The following COPG1 variants were observed in gnomAD, a reference collection of about 807,000 sequenced individuals.
COPG1 encodes the protein coat protein complex I subunit gamma 1, also known as coatomer subunit gamma-1.
A neutral mutation model predicts 102.8 loss-of-function variants in COPG1; 29 were observed. That is an observed-to-expected ratio of 0.28 (90% CI 0.21 to 0.38). The LOEUF (loss-of-function observed/expected upper bound fraction) is 0.38, where lower values mean the gene tolerates loss of function less well. COPG1 is among the 10% of genes least tolerant of loss of function. The pLI is 1.00. For synonymous variants in COPG1, 406 were observed against 421.6 expected, an observed-to-expected ratio of 0.96 and a Z score of 0.45; for missense variants, 875 against 1,132.7, an observed-to-expected ratio of 0.77 and a Z score of 3.27.
chr3:129,253,062 C>A, intron 5 of COPG1, 107 bp downstream of exon 5: 1 of 913,096 alleles, frequency 1.1e-6, no homozygotes, highest in African/African-American at 1.6e-5. Flanking sequence ...GCCAGCTGCC[C>A]ACCCCGTGGC....
chr3:129,268,824 C>G, intron 17 of COPG1, 108 bp from the exon 18 acceptor site: 1 of 1,191,270 alleles, frequency 8.4e-7, no homozygotes, highest in Non-Finnish European at 1.2e-6. Flanking sequence ...GCTTCCCACT[C>G]TCAGGAGGGT....
intron 13 of COPG1, 55 bp from the exon 14 acceptor site, chr3:129,265,494 T>TC (rs1208955960): frequency 6.3e-7 from 1 of 1,594,054 alleles, no homozygotes; most frequent in Admixed American, 1.7e-5. Flanking sequence ...GCTCAGGTCT[T>TC]CAACTCTTTT....
Position 129,268,543 on chromosome 3 carries a change from C to T in COPG1, c.1697C>T (p.Thr566Ile). 6.2e-7 allele frequency: 1 copy of T among 1,614,218 alleles called. No homozygotes were observed. The highest frequency in any genetic ancestry group is 8.5e-7 in the Non-Finnish European group (1 of 1,180,030). Residue 566 changes from threonine to isoleucine, a missense_variant, in exon 17 of 24, where the codon ACT (threonine) becomes ATT (isoleucine). Coordinates refer to ENST00000314797, the MANE Select transcript of COPG1 (RefSeq NM_016128.4). ...PGLERALQQY[T>I]LEPSEKPFDL... ...CTGGAGAGGGCTCTGCAGCAGTACA[C>T]TCTAGAACCATCAGAAAAACCTTTT...
In COPG1 at chr3:129,274,844, G is replaced by C; in HGVS notation, c.2263G>C (p.Asp755His). Residue 755 changes from aspartate to histidine, a missense_variant, in exon 22 of 24, where the codon GAT becomes CAT. Asp to His is a moderately conservative substitution (Grantham distance 81, BLOSUM62 -1). Transcript: ENST00000314797. The part of the protein sequence containing the change: ...EGYEDEYVLE[D>H]LEVTVADHIQ... ...TCTACCTCCATCTCTCCAGCTGGAAGATCTGGAAGTTACTGTAGCTGATCA... is the reference window on the plus strand; with the variant it reads ...TCTACCTCCATCTCTCCAGCTGGAACATCTGGAAGTTACTGTAGCTGATCA... The C allele has an allele frequency of 1.2e-6, 2 of 1,614,120 alleles. No homozygotes were observed. Among genetic ancestry groups the C allele is most frequent in the Non-Finnish European group, 1.7e-6 (2 of 1,180,012 alleles).
chr3:129,249,817 TCCTGA>T (rs1263496353), intron 1 of COPG1, 71 bp downstream of exon 1: 1 of 1,503,392 alleles, frequency 6.7e-7, no homozygotes, highest in African/African-American at 1.4e-5. Flanking sequence ...TGGTTCTCTG[TCCTGA>T]CCCGGAGGCT....
At chr3:129,272,458 A>T (rs773978047) in intron 20 of COPG1, 43 bp downstream of exon 20, 1 of 1,552,776 alleles carries the variant, frequency 6.4e-7, no homozygotes, top group East Asian at 2.3e-5. Context: ...CTGGGAGCTC[A>T]TGGGGTCAGG....
intron 5 of COPG1, 200 bp from the exon 6 acceptor site, chr3:129,254,468 G>A: frequency 3.8e-6 from 2 of 526,034 alleles, no homozygotes; most frequent in Non-Finnish European, 6.8e-6. Flanking sequence ...AGCAAAAGCA[G>A]GGGGATGACC....
At position 129,268,887 on chromosome 3, in the gene COPG1, G is replaced by C. The variant is rs10934875; in HGVS notation, c.1775-45G>C. 7 of 1,563,102 alleles carry C rather than the reference G, an allele frequency of 4.5e-6. No homozygotes were observed. In the East Asian group the frequency reaches 1.6e-4, roughly 35 times the overall value. ...ACTGGGGTCACCACCACACTGCCCC[G>C]TGACTCCAGCTGTTGGTCATCACGT... On this transcript the variant is annotated intron_variant, in intron 17 of 23. Transcript: ENST00000314797.
At position 129,252,652 on chromosome 3, in the gene COPG1, C is replaced by G. The variant is rs1309891589; in HGVS notation, c.201C>G (p.Thr67=). The part of the protein sequence containing the change: ...QGEHLGTTEA[T]EAFFAMTKLF... ...AGCACCTGGGGACCACGGAAGCGAC[C>G]GAGGCCTTCTTTGCCATGACCAAGC... The change falls in exon 4 of 24, where the codon ACC becomes ACG. Residue 67 remains threonine, a synonymous_variant. Transcript: ENST00000314797. 6.2e-6 allele frequency: 10 copies of G among 1,614,098 alleles called. No homozygotes were observed. The highest frequency in any genetic ancestry group is 8.5e-6 in the Non-Finnish European group (10 of 1,179,982).
chr3:129,258,412 A>G (rs1041311798), intron 10 of COPG1, among the ~76,000 whole-genome samples: 1 of 152,236 alleles, frequency 6.6e-6, no homozygotes, highest in Non-Finnish European at 1.5e-5. Flanking sequence ...TGTGATCTAG[A>G]CAAATTGCTT....
chr3:129,257,955 T>A, intron 10 of COPG1, 95 bp downstream of exon 10: 1 of 1,491,738 alleles, frequency 6.7e-7, no homozygotes, highest in Non-Finnish European at 9.1e-7. Flanking sequence ...AAAATGCTCT[T>A]AACAAGTGTT....
chr3:129,264,467 A>C (rs576337354), intron 13 of COPG1, among the ~76,000 whole-genome samples: 1 of 152,190 alleles, frequency 6.6e-6, no homozygotes, highest in African/African-American at 2.4e-5. Flanking sequence ...GCAGATGTTC[A>C]TGGAGTAGAT....
intron 13 of COPG1, among the ~76,000 whole-genome samples, chr3:129,265,052 C>T (rs1940024814): frequency 6.6e-6 from 1 of 151,996 alleles, no homozygotes; most frequent in Non-Finnish European, 1.5e-5. Flanking sequence ...AACTCTTGAC[C>T]TCAGGTGATC....
chr3:129,259,841 G>A (rs1939889999), intron 10 of COPG1, among the ~76,000 whole-genome samples: 1 of 152,176 alleles, frequency 6.6e-6, no homozygotes. Flanking sequence ...GGTGCCAAGG[G>A]GGAAGTTCTG....
chr3:129,250,760 C>G, intron 2 of COPG1, 26 bp downstream of exon 2: 1 of 1,599,384 alleles, frequency 6.3e-7, no homozygotes, highest in Non-Finnish European at 8.6e-7. Flanking sequence ...TCCCCTCTAG[C>G]TTCCATCATA....
In COPG1 at chr3:129,277,212, G is replaced by C. The variant is rs369211497; in HGVS notation, c.2495-82G>C. ...TTCACTACACCAGAGCTGCCTTCAT[G>C]GGTTGCTGCAAATGCCATCCTTAGC... On this transcript the variant is annotated intron_variant, in intron 23 of 23. Coordinates refer to ENST00000314797, the MANE Select transcript of COPG1 (RefSeq NM_016128.4). 10 of 1,450,574 alleles carry C rather than the reference G, an allele frequency of 6.9e-6. No homozygotes were observed. The South Asian group carries it at 8.2e-5, about 12-fold the overall frequency. 89.9% of individuals were successfully genotyped at this position (1,450,574 alleles called of 1,614,324 possible). A position where few individuals can be genotyped will look rare whatever the true frequency, so the allele number is the denominator to read the frequency against.
intron 13 of COPG1, 46 bp from the exon 14 acceptor site, chr3:129,265,503 T>C (rs1430439573): frequency 3.1e-6 from 5 of 1,603,642 alleles, no homozygotes; most frequent in Non-Finnish European, 4.3e-6. Flanking sequence ...TTCAACTCTT[T>C]TCTGGAGAGA....
At position 129,252,673 on chromosome 3, in the gene COPG1, C is replaced by G. The variant is rs1560061698; in HGVS notation, c.222C>G (p.Thr74=). 6.2e-7 allele frequency: 1 copy of G among 1,614,102 alleles called. No homozygotes were observed. Residue 74 remains threonine (T), a synonymous_variant, in exon 4 of 24, where the codon ACC becomes ACG. Transcript: ENST00000314797. ...CGACCGAGGCCTTCTTTGCCATGACCAAGCTCTTTCAGTCCAATGATGTAA... is the reference window on the plus strand; with the variant it reads ...CGACCGAGGCCTTCTTTGCCATGACGAAGCTCTTTCAGTCCAATGATGTAA... ...TEATEAFFAM[T]KLFQSNDPTL...
At chr3:129,251,527 C>T (rs1218575888) in intron 2 of COPG1, among the ~76,000 whole-genome samples, 1 of 151,050 alleles carries the variant, frequency 6.6e-6, no homozygotes, top group African/African-American at 2.4e-5. Flanking sequence ...GGACTACAGG[C>T]GCACGCCACT....
Sources: allele counts gnomAD v4.1 joint callset (sites outside exome capture counted in the v4.1 genomes callset), GRCh38; gene constraint gnomAD v4.1.1; transcripts MANE v1.5; gene names NCBI Gene and HGNC (gene_info 2026-07-23, HGNC 2026-07-21).